LINGO2: variants seen among roughly 807,000 people sequenced by gnomAD.
The protein encoded by LINGO2 is leucine rich repeat and Ig domain containing 2.
LINGO2 carries 14 observed loss-of-function variants against 30.6 expected under a neutral mutation model. The ratio of observed to expected loss-of-function variants is 0.46; its 90% confidence interval spans 0.30 to 0.72. The LOEUF is 0.72. Among genes scored for constraint, LINGO2 ranks in the 30% least tolerant of loss-of-function variants. LINGO2 has a pLI of 0.07. For missense variants in LINGO2, 729 were observed against 751.7 expected, an observed-to-expected ratio of 0.97 and a Z score of 0.35; for synonymous variants, 317 against 288.5, an observed-to-expected ratio of 1.10 and a Z score of -1.00.
At chr9:28,844,687 G>C in the LINGO2 span, among the ~76,000 whole-genome samples, 49 of 151,734 alleles carry the variant, frequency 3.2e-4, no homozygotes, top group African/African-American at 1.1e-3. Context: ...ACTTCAATAT[G>C]GGATCAGAAC....
At chr9:28,386,404 G>A (rs1337300834) in intron 2 of LINGO2, among the ~76,000 whole-genome samples, 1 of 152,002 alleles carries the variant, frequency 6.6e-6, no homozygotes, top group African/African-American at 2.4e-5. Flanking sequence ...TCCCTAAACT[G>A]TACATATCCT....
At chr9:28,517,525 T>G (rs1820668727) in intron 1 of LINGO2, among the ~76,000 whole-genome samples, 1 of 152,212 alleles carries the variant, frequency 6.6e-6, no homozygotes, top group Non-Finnish European at 1.5e-5. Context: ...AAAGTAGTGC[T>G]ACCTGAAACA....
At chr9:28,210,127 A>T (rs1245578513) in intron 4 of LINGO2, among the ~76,000 whole-genome samples, 1 of 151,736 alleles carries the variant, frequency 6.6e-6, no homozygotes, top group Non-Finnish European at 1.5e-5. Context: ...GATGTATTAA[A>T]TTCAAGGTCC....
chr9:28,943,992 A>G, the LINGO2 span, among the ~76,000 whole-genome samples: 1 of 152,246 alleles, frequency 6.6e-6, no homozygotes, highest in Non-Finnish European at 1.5e-5. Context: ...TGCCCTATAT[A>G]GTGGCTTAAC....
At chr9:28,547,661 G>T (rs181182352) in intron 1 of LINGO2, among the ~76,000 whole-genome samples, 167 of 152,218 alleles carry the variant, frequency 1.1e-3, no homozygotes, top group Admixed American at 6.1e-3. Flanking sequence ...ATGAAATACA[G>T]TGCTAACAAA....
At chr9:28,914,112 T>C in the LINGO2 span, among the ~76,000 whole-genome samples, 5 of 152,178 alleles carry the variant, frequency 3.3e-5, no homozygotes, top group African/African-American at 1.2e-4. Flanking sequence ...CATTAAAACA[T>C]GAATGCATAA....
chr9:28,468,332 T>G (rs1825391888), intron 2 of LINGO2, among the ~76,000 whole-genome samples: 1 of 152,174 alleles, frequency 6.6e-6, no homozygotes, highest in South Asian at 2.1e-4. Context: ...ATAACCAGTG[T>G]GAGCACTGCC....
chr9:28,444,267 G>A (rs1197203954), intron 2 of LINGO2, among the ~76,000 whole-genome samples: 1 of 152,210 alleles, frequency 6.6e-6, no homozygotes, highest in Non-Finnish European at 1.5e-5. Context: ...GACTGTGGGA[G>A]TGAAGAGTGG....
At chr9:28,223,402 G>A (rs1021112657) in intron 4 of LINGO2, among the ~76,000 whole-genome samples, 2 of 152,244 alleles carry the variant, frequency 1.3e-5, no homozygotes, top group South Asian at 2.1e-4. Context: ...TTTTACAATG[G>A]CCTAAATCTC....
At chr9:29,079,383 T>C in the LINGO2 span, among the ~76,000 whole-genome samples, 19 of 152,020 alleles carry the variant, frequency 1.2e-4, no homozygotes, top group African/African-American at 4.6e-4. Context: ...AAGGAGAAAA[T>C]GTCTGCTAAA....
At chr9:28,593,915 GGAGAATATGAATC>G (rs1825049325) in intron 1 of LINGO2, among the ~76,000 whole-genome samples, 1 of 151,954 alleles carries the variant, frequency 6.6e-6, no homozygotes, top group Non-Finnish European at 1.5e-5. Context: ...TTAAATTGTA[GGAGAATATGAATC>G]ATCATGGATA....
the LINGO2 span, among the ~76,000 whole-genome samples, chr9:29,154,425 G>C: frequency 6.7e-6 from 1 of 149,058 alleles, no homozygotes; most frequent in Non-Finnish European, 1.5e-5. Flanking sequence ...ATTCCAGCCT[G>C]GGCGACAGAG....
chr9:28,141,141 G>T (rs139300676), intron 4 of LINGO2, among the ~76,000 whole-genome samples: 2 of 152,226 alleles, frequency 1.3e-5, no homozygotes, highest in African/African-American at 4.8e-5. Context: ...ATTAGAGAAA[G>T]GTTAACTTAT....
At chr9:29,186,887 A>T in the LINGO2 span, among the ~76,000 whole-genome samples, 1 of 152,170 alleles carries the variant, frequency 6.6e-6, no homozygotes, top group Non-Finnish European at 1.5e-5. Context: ...CCCATAAGAA[A>T]GACCATAAAA....
chr9:28,348,339 G>T (rs1487832536), intron 3 of LINGO2, among the ~76,000 whole-genome samples: 2 of 152,176 alleles, frequency 1.3e-5, no homozygotes, highest in African/African-American at 4.8e-5. Context: ...CACTTGGGAA[G>T]CGCAAGGGGT....
At position 28,333,781 on chromosome 9, in the gene LINGO2, C is replaced by T. The variant is rs138214884; in HGVS notation, c.-245-38415G>A. ...ACAACTACTATGTAAGATATTCGAA[C>T]GGGGTATCATCATTGCTCCAAATGA... On this transcript the variant is annotated intron_variant, in intron 3 of 5. Coordinates refer to ENST00000379992, the Ensembl canonical transcript of LINGO2. Among the ~76,000 whole-genome samples the T allele has an allele frequency of 4.6e-5, 7 of 152,166 alleles. No homozygotes were observed. The East Asian group carries it at 7.7e-4, about 17-fold the overall frequency.
the LINGO2 span, among the ~76,000 whole-genome samples, chr9:28,906,757 G>A: frequency 6.6e-6 from 1 of 151,858 alleles, no homozygotes; most frequent in African/African-American, 2.4e-5. Flanking sequence ...ATGAAGGGAT[G>A]CAAAAGATGT....
chr9:28,380,115 C>A (rs1821287766), intron 2 of LINGO2, among the ~76,000 whole-genome samples: 1 of 152,072 alleles, frequency 6.6e-6, no homozygotes, highest in Non-Finnish European at 1.5e-5. Flanking sequence ...ATATTTACAG[C>A]TGAACATGTT....
intron 4 of LINGO2, among the ~76,000 whole-genome samples, chr9:28,119,730 A>G (rs572173183): frequency 1.4e-3 from 208 of 152,330 alleles, no homozygotes; most frequent in African/African-American, 4.4e-3. Flanking sequence ...CAAATATTAC[A>G]GAGGGCTTGG....
Sources: allele counts gnomAD v4.1 joint callset (sites outside exome capture counted in the v4.1 genomes callset), GRCh38; gene constraint gnomAD v4.1.1; transcripts MANE v1.5; gene names NCBI Gene and HGNC (gene_info 2026-07-23, HGNC 2026-07-21).